The following TMEM131L variants were observed in gnomAD, a reference collection of about 807,000 sequenced individuals.
TMEM131L encodes transmembrane 131 like, also known as transmembrane protein 131-like.
Under a neutral mutation model 192.2 loss-of-function variants are expected in TMEM131L, and 54 were observed. That is an observed-to-expected ratio of 0.28 (90% CI 0.23 to 0.35). The LOEUF (loss-of-function observed/expected upper bound fraction) is 0.35. TMEM131L is among the 10% of genes least tolerant of loss of function. The pLI, the probability that TMEM131L is intolerant of heterozygous loss-of-function variation, is 1.00. For synonymous variants in TMEM131L, 701 were observed against 704.9 expected, an observed-to-expected ratio of 0.99 and a Z score of 0.09; for missense variants, 1,888 against 1,972.9, an observed-to-expected ratio of 0.96 and a Z score of 0.82.
chr4:153,598,303 T>A (rs1731589482), intron 20 of TMEM131L, among the ~76,000 whole-genome samples: 1 of 152,130 alleles, frequency 6.6e-6, no homozygotes, highest in Admixed American at 6.5e-5. Context: ...GAAAAATATA[T>A]GAGGCTACAT....
rs1461655707 is a variant in TMEM131L, at chr4:153,534,340, G to A, written c.240-15733G>A. ...ACCGGTCAAGGGAAAAGAGGATGAG[G>A]ATTGTGGTGTGGGCTGCAGCTATAA... On this transcript the variant is annotated intron_variant, in intron 3 of 34. Coordinates refer to ENST00000409959, the MANE Select transcript of TMEM131L (RefSeq NM_001131007.2). 5.3e-5 allele frequency among the ~76,000 whole-genome samples: 8 copies of A among 152,304 alleles called. No individual in the cohort carries two copies. The East Asian group carries it at 1.5e-3, about 29-fold the overall frequency.
intron 4 of TMEM131L, among the ~76,000 whole-genome samples, chr4:153,550,687 A>G (rs999114863): frequency 6.2e-5 from 9 of 145,482 alleles, no homozygotes; most frequent in African/African-American, 2.4e-4. Flanking sequence ...TTAATAAGTC[A>G]ATGTTGTTTT....
intron 3 of TMEM131L, among the ~76,000 whole-genome samples, chr4:153,539,926 C>G (rs1025212909): frequency 6.6e-6 from 1 of 151,810 alleles, no homozygotes; most frequent in Admixed American, 6.6e-5. Flanking sequence ...GCCTGACCAA[C>G]GTGGAGAAAC....
intron 7 of TMEM131L, among the ~76,000 whole-genome samples, chr4:153,567,741 C>T (rs1729320021): frequency 6.6e-6 from 1 of 152,098 alleles, no homozygotes; most frequent in Non-Finnish European, 1.5e-5. Context: ...TGGGGTTTCA[C>T]CACGTTGGCC....
At position 153,588,129 on chromosome 4, in the gene TMEM131L, A is replaced by G. The variant is rs186986731; in HGVS notation, c.1552+318A>G. On this transcript the variant is annotated intron_variant, in intron 15 of 34. Coordinates refer to ENST00000409959, the MANE Select transcript of TMEM131L (RefSeq NM_001131007.2). ...AAGATTCTGATTCTTTTATGAAAGA[A>G]CTGACTAGAAGTTAGTAAAAATAAC... Among the ~76,000 whole-genome samples, 401 of 151,594 alleles carry G rather than the reference A, an allele frequency of 2.6e-3. 2 individuals are homozygous for G. Among genetic ancestry groups the G allele is most frequent in the African/African-American group, 9.0e-3 (373 of 41,298 alleles).
At chr4:153,470,450 G>C (rs1404702416) in intron 2 of TMEM131L, among the ~76,000 whole-genome samples, 3 of 150,498 alleles carry the variant, frequency 2.0e-5, no homozygotes, top group African/African-American at 7.5e-5. Context: ...ATATCTTTTT[G>C]TTATATACTC....
intron 25 of TMEM131L, among the ~76,000 whole-genome samples, chr4:153,610,813 A>G (rs1732559059): frequency 1.3e-5 from 2 of 152,112 alleles, no homozygotes; most frequent in Admixed American, 1.3e-4. Context: ...CTCTGCTGGT[A>G]ATCTGGTTAG....
At chr4:153,621,136 A>G (rs1168251573) in intron 27 of TMEM131L, among the ~76,000 whole-genome samples, 1 of 152,180 alleles carries the variant, frequency 6.6e-6, no homozygotes, top group Non-Finnish European at 1.5e-5. Context: ...GGTAGTTTTT[A>G]GGGGAAAAGC....
intron 3 of TMEM131L, among the ~76,000 whole-genome samples, chr4:153,505,352 C>T (rs777963633): frequency 5.9e-5 from 9 of 152,006 alleles, no homozygotes; most frequent in Non-Finnish European, 1.0e-4. Flanking sequence ...GTGATCCACC[C>T]GCTTCAACCT....
In TMEM131L at chr4:153,636,704, T is replaced by A. The variant is rs1392993767; in HGVS notation, c.*128T>A. ...CACTTTTATATGAAAATAAATTTTT[T>A]AATGAAATCTGGGTGCTCTGTTTTT... On this transcript the variant is annotated 3_prime_UTR_variant, in exon 35 of 35. Transcript: ENST00000409959. The A allele has an allele frequency of 1.1e-6, 1 of 877,200 alleles. No individual in the cohort carries two copies. Among genetic ancestry groups the A allele is most frequent in the Non-Finnish European group, 1.7e-6 (1 of 589,826 alleles). 54.3% of individuals were successfully genotyped at this position (877,200 alleles called of 1,614,324 possible).
chr4:153,587,626 G>A (rs960670239), intron 14 of TMEM131L, 116 bp from the exon 15 acceptor site: 2 of 775,876 alleles, frequency 2.6e-6, no homozygotes, highest in East Asian at 4.9e-5. Context: ...TTTGGCTCGT[G>A]GTTAAAGGGA....
At chr4:153,618,438 T>C (rs1460077968) in intron 26 of TMEM131L, among the ~76,000 whole-genome samples, 1 of 135,984 alleles carries the variant, frequency 7.4e-6, no homozygotes, top group Non-Finnish European at 1.5e-5. Flanking sequence ...ATTGCCTCAC[T>C]GCACTCTAGC....
rs1737922188 is a variant in TMEM131L, at chr4:153,555,559, G to A, written c.309-228G>A. Among the ~76,000 whole-genome samples, 1 of 152,156 alleles carries A rather than the reference G, an allele frequency of 6.6e-6. No homozygotes were observed. Among genetic ancestry groups the A allele is most frequent in the South Asian group, 2.1e-4 (1 of 4,828 alleles). On this transcript the variant is annotated intron_variant, in intron 4 of 34. Coordinates refer to ENST00000409959, the MANE Select transcript of TMEM131L (RefSeq NM_001131007.2). This position sits in a 1 kb window ranked among gnomAD's most constrained non-coding sequence, Gnocchi z 4.1. ...TGAAACCAATGGAGTGCTACTGTGG[G>A]TTGGCCTAAGCCTTATAAAATAAAG...
intron 21 of TMEM131L, among the ~76,000 whole-genome samples, chr4:153,600,670 CAGAA>C (rs1464805758): frequency 6.6e-6 from 1 of 152,186 alleles, no homozygotes; most frequent in Non-Finnish European, 1.5e-5. Context: ...TATAAAAACA[CAGAA>C]AGCATTTTAG....
chr4:153,616,252 G>A (rs1455468530), intron 26 of TMEM131L, among the ~76,000 whole-genome samples: 1 of 152,162 alleles, frequency 6.6e-6, no homozygotes, highest in Non-Finnish European at 1.5e-5. Context: ...GTGCAGATTT[G>A]CGGGCAGTGG....
intron 7 of TMEM131L, among the ~76,000 whole-genome samples, chr4:153,572,247 T>A (rs962740718): frequency 9.2e-5 from 14 of 152,216 alleles, no homozygotes; most frequent in African/African-American, 3.4e-4. Context: ...CACCCTGTAG[T>A]GCTGTAGAAC....
Position 153,603,432 on chromosome 4 carries a change from A to G in TMEM131L, c.2769A>G (p.Val923=), listed in dbSNP as rs1281631067. Residue 923 remains valine, a synonymous_variant, in exon 24 of 35, where the codon GTA becomes GTG. Transcript: ENST00000409959. ...AGCAAAACAATGGTCCTATGGATGTAATCAGCCCCCATTCTTACAAGTAAG... is the reference window on the plus strand; with the variant it reads ...AGCAAAACAATGGTCCTATGGATGTGATCAGCCCCCATTCTTACAAGTAAG... ...SSQQNNGPMD[V]ISPHSYKSNC... 6.2e-7 allele frequency: 1 copy of G among 1,613,790 alleles called. No homozygotes were observed. The highest frequency in any genetic ancestry group is 1.3e-5 in the African/African-American group (1 of 74,910).
At chr4:153,559,846 G>C (rs1445769809) in intron 7 of TMEM131L, among the ~76,000 whole-genome samples, 1 of 151,938 alleles carries the variant, frequency 6.6e-6, no homozygotes, top group African/African-American at 2.4e-5. Flanking sequence ...CCCGCTTATG[G>C]CTGTAAGACC....
In TMEM131L at chr4:153,472,537, C is replaced by CA. The variant is rs200691995; in HGVS notation, c.196-1299dup. Among the ~76,000 whole-genome samples, 224 of 148,442 alleles carry CA rather than the reference C, an allele frequency of 1.5e-3. 1 individual carries two copies. Among genetic ancestry groups the CA allele is most frequent in the East Asian group, 3.7e-3 (19 of 5,100 alleles). On this transcript the variant is annotated intron_variant, in intron 2 of 34. Transcript: ENST00000409959. ...TAGGTGTCAGGGATATTACAGTAGA[C>CA]AAAAAAAAACAAAAAACACCTGCCC...
Sources: allele counts gnomAD v4.1 joint callset (sites outside exome capture counted in the v4.1 genomes callset), GRCh38; gene constraint gnomAD v4.1.1; non-coding constraint Gnocchi (gnomAD v3.1); transcripts MANE v1.5; gene names NCBI Gene and HGNC (gene_info 2026-07-23, HGNC 2026-07-21).